Variants in TBX15 observed in about 807,000 individuals in gnomAD.
The protein encoded by TBX15 is T-box transcription factor 15.
TBX15 carries 18 observed loss-of-function variants against 53.9 expected under a neutral mutation model. The ratio of observed to expected loss-of-function variants is 0.33; its 90% confidence interval spans 0.23 to 0.49. The LOEUF is 0.49. TBX15 is among the 20% of genes least tolerant of loss of function. The probability of loss-of-function intolerance (pLI) is 0.98; values close to 1 mark genes in which losing one functional copy is unlikely to be tolerated. For synonymous variants in TBX15, 295 were observed against 278.0 expected (o/e 1.06, Z -0.61); for missense variants, 692 against 749.5 (o/e 0.92, Z 0.90).
rs1247190322 is a variant in TBX15, at chr1:118,901,485, A to G, written c.927-2360T>C. The G allele has an allele frequency of 2.2e-5, 10 of 449,472 alleles. No individual in the cohort carries two copies. In the Admixed American group the frequency reaches 2.4e-4, roughly 11 times the overall value. 27.8% of individuals were successfully genotyped at this position (449,472 alleles called of 1,614,324 possible). On this transcript the variant is annotated intron_variant, in intron 6 of 7. Coordinates refer to ENST00000369429, the MANE Select transcript of TBX15 (RefSeq NM_001330677.2). ...GACATATTCAAACCATAGCAGTTTC[A>G]TTTTCATAATAGGCAAGAAGACTGT...
At chr1:118,889,433 G>A (rs1654060192) in intron 7 of TBX15, among the ~76,000 whole-genome samples, 1 of 152,202 alleles carries the variant, frequency 6.6e-6, no homozygotes, top group African/African-American at 2.4e-5. Context: ...GCTAGGGCAG[G>A]GTGGGACACC....
intron 1 of TBX15, among the ~76,000 whole-genome samples, chr1:118,934,481 T>A (rs1655899381): frequency 6.6e-6 from 1 of 152,142 alleles, no homozygotes; most frequent in African/African-American, 2.4e-5. Flanking sequence ...TGCAGATAAT[T>A]AGAAACAGAA....
chr1:118,939,432 A>AAAAAAAAAAAAAAAAAAG (rs1656087088), intron 1 of TBX15, among the ~76,000 whole-genome samples: 1 of 85,534 alleles, frequency 1.2e-5, no homozygotes, highest in African/African-American at 5.0e-5. Flanking sequence ...AAAAAAAAAA[A>AAAAAAAAAAAAAAAAAAG]AAAACAAAAA....
At chr1:118,985,280 G>A (rs758208191) in intron 1 of TBX15, among the ~76,000 whole-genome samples, 3 of 152,152 alleles carry the variant, frequency 2.0e-5, no homozygotes, top group Non-Finnish European at 4.4e-5. Context: ...GGGCACAATA[G>A]GGTCGCCTGC....
At chr1:118,933,446 C>T (rs898361225) in intron 1 of TBX15, among the ~76,000 whole-genome samples, 12 of 128,504 alleles carry the variant, frequency 9.3e-5, no homozygotes, top group Admixed American at 8.5e-5. Context: ...TCTCCCTCCC[C>T]CTCTGCCCCC....
At chr1:118,920,056 C>T (rs1287458855) in intron 5 of TBX15, among the ~76,000 whole-genome samples, 1 of 152,080 alleles carries the variant, frequency 6.6e-6, no homozygotes, top group Non-Finnish European at 1.5e-5. Flanking sequence ...AATGAGAATA[C>T]TAAGGTAGAG....
chr1:118,973,360 A>G (rs1657300930), intron 1 of TBX15, among the ~76,000 whole-genome samples: 1 of 151,986 alleles, frequency 6.6e-6, no homozygotes, highest in African/African-American at 2.4e-5. Flanking sequence ...GTCTGCTTTC[A>G]TGCTTTCATA....
intron 1 of TBX15, among the ~76,000 whole-genome samples, chr1:118,984,009 C>CT (rs1238613198): frequency 6.6e-6 from 1 of 152,264 alleles, no homozygotes; most frequent in Non-Finnish European, 1.5e-5. Context: ...ATTAAAATCT[C>CT]TGAGTTTTAT....
chr1:118,938,344 T>C (rs1415190966), intron 1 of TBX15, among the ~76,000 whole-genome samples: 2 of 152,036 alleles, frequency 1.3e-5, no homozygotes, highest in Non-Finnish European at 2.9e-5. Context: ...TAAGGGCACA[T>C]CATATCTCAC....
chr1:118,955,101 C>T (rs1408171424), intron 1 of TBX15, among the ~76,000 whole-genome samples: 1 of 152,190 alleles, frequency 6.6e-6, no homozygotes, highest in Non-Finnish European at 1.5e-5. Flanking sequence ...GCCAAGAAGG[C>T]CTCCCCTGCC....
At chr1:118,942,983 T>C (rs1656235645) in intron 1 of TBX15, among the ~76,000 whole-genome samples, 1 of 152,116 alleles carries the variant, frequency 6.6e-6, no homozygotes, top group Non-Finnish European at 1.5e-5. Flanking sequence ...CCAGAGTCGC[T>C]AAGAAGTAAG....
At chr1:118,887,673 A>C (rs1191348192) in intron 7 of TBX15, among the ~76,000 whole-genome samples, 1 of 131,988 alleles carries the variant, frequency 7.6e-6, no homozygotes, top group Non-Finnish European at 1.5e-5. Context: ...AAAACTCTCA[A>C]AAAAAAAAAA....
intron 1 of TBX15, among the ~76,000 whole-genome samples, chr1:118,935,917 A>C (rs1378061179): frequency 1.3e-5 from 2 of 152,176 alleles, no homozygotes; most frequent in African/African-American, 4.8e-5. Flanking sequence ...GAAACAAGAG[A>C]AATTGAAAAC....
At chr1:118,907,095 T>A (rs944743737) in intron 6 of TBX15, among the ~76,000 whole-genome samples, 4 of 152,206 alleles carry the variant, frequency 2.6e-5, no homozygotes, top group African/African-American at 9.6e-5. Context: ...ACCAATTCCC[T>A]GGGCTACAGA....
At chr1:118,906,320 A>G (rs935653488) in intron 6 of TBX15, among the ~76,000 whole-genome samples, 2 of 152,208 alleles carry the variant, frequency 1.3e-5, no homozygotes, top group Non-Finnish European at 2.9e-5. Flanking sequence ...ATTTTAACGG[A>G]GATCCTCTGT....
At chr1:118,902,356 CA>C (rs773209797) in intron 6 of TBX15, among the ~76,000 whole-genome samples, 2 of 152,126 alleles carry the variant, frequency 1.3e-5, no homozygotes, top group Non-Finnish European at 2.9e-5. Context: ...CTCTCTCCAC[CA>C]CTAGTATGGT....
intron 1 of TBX15, among the ~76,000 whole-genome samples, chr1:118,977,378 G>A (rs919592458): frequency 3.8e-4 from 58 of 151,948 alleles, no homozygotes; most frequent in Admixed American, 8.5e-4. Flanking sequence ...TGTTCTTATC[G>A]TGTTATCATT....
At chr1:118,912,668 C>A (rs548684158) in intron 6 of TBX15, among the ~76,000 whole-genome samples, 6 of 152,286 alleles carry the variant, frequency 3.9e-5, no homozygotes, top group African/African-American at 1.4e-4. Context: ...ATTCTGCTGA[C>A]CTGGACATGT....
rs1657905327 is a variant in TBX15 at position 118,988,108 on chromosome 1, T to C, written c.-313A>G. The C allele has an allele frequency of 4.5e-6, 2 of 445,500 alleles. No individual in the cohort carries two copies. The highest frequency in any genetic ancestry group is 8.0e-6 in the Non-Finnish European group (2 of 251,210). 27.6% of individuals were successfully genotyped at this position (445,500 alleles called of 1,614,324 possible). Reference sequence around the variant, plus strand: ...GCAGGCGCTCACAGACTGTGTCCACTGAACTTCATCTTGTTTTTGTTATTA... The same window carrying C: ...GCAGGCGCTCACAGACTGTGTCCACCGAACTTCATCTTGTTTTTGTTATTA... On this transcript the variant is annotated 5_prime_UTR_variant, in exon 1 of 8. Transcript: ENST00000369429.
Sources: allele counts gnomAD v4.1 joint callset (sites outside exome capture counted in the v4.1 genomes callset), GRCh38; gene constraint gnomAD v4.1.1; transcripts MANE v1.5; gene names NCBI Gene and HGNC (gene_info 2026-07-23, HGNC 2026-07-21).